UBE2E2: variants seen among roughly 807,000 people sequenced by gnomAD.
The protein encoded by UBE2E2 is ubiquitin-conjugating enzyme E2 E2.
A neutral mutation model predicts 24.7 loss-of-function variants in UBE2E2; 6 were observed. That is an observed-to-expected ratio of 0.24 (90% CI 0.13 to 0.48). The LOEUF is 0.48. Among genes scored for constraint, UBE2E2 ranks in the 20% least tolerant of loss-of-function variants. UBE2E2 has a pLI of 0.99. For synonymous variants in UBE2E2, 104 were observed against 83.6 expected, an observed-to-expected ratio of 1.24 and a Z score of -1.33; for missense variants, 169 against 245.0, an observed-to-expected ratio of 0.69 and a Z score of 2.07.
At chr3:23,458,294 A>G (rs1300188912) in intron 3 of UBE2E2, among the ~76,000 whole-genome samples, 1 of 151,058 alleles carries the variant, frequency 6.6e-6, no homozygotes, top group African/African-American at 2.4e-5. Flanking sequence ...CAGTCACACA[A>G]CATGTATCGA....
In UBE2E2 at chr3:23,223,512, T is replaced by TTA. The variant is rs1359943531; in HGVS notation, c.227+6212_227+6213dup. ...GCCCTTTTGCCTGTTTTAAATTGGA[T>TTA]TATATATATATATTTGCTGTCAAGT... On this transcript the variant is annotated intron_variant, in intron 3 of 5. Coordinates refer to ENST00000396703, the MANE Select transcript of UBE2E2 (RefSeq NM_152653.4). Among the ~76,000 whole-genome samples the TTA allele has an allele frequency of 1.6e-3, 241 of 151,894 alleles. 2 individuals are homozygous for TTA. The highest frequency in any genetic ancestry group is 2.7e-3 in the East Asian group (14 of 5,164).
At chr3:23,577,968 G>A (rs141015830) in intron 5 of UBE2E2, among the ~76,000 whole-genome samples, 8 of 143,830 alleles carry the variant, frequency 5.6e-5, no homozygotes, top group South Asian at 2.2e-4. Context: ...TTAATATGAC[G>A]TACTGAATAT....
intron 3 of UBE2E2, among the ~76,000 whole-genome samples, chr3:23,266,452 G>T (rs1213144540): frequency 4.6e-5 from 7 of 151,974 alleles, no homozygotes; most frequent in Non-Finnish European, 7.4e-5. Context: ...AATTCTTTAA[G>T]AATGTTGAAT....
chr3:23,443,292 C>T (rs895379516), intron 3 of UBE2E2, among the ~76,000 whole-genome samples: 6 of 152,104 alleles, frequency 3.9e-5, no homozygotes, highest in South Asian at 2.1e-4. Context: ...TAAGAAGAGC[C>T]GGAAGCAGAG....
chr3:23,325,471 T>A (rs1046059300), intron 3 of UBE2E2, among the ~76,000 whole-genome samples: 3 of 152,228 alleles, frequency 2.0e-5, no homozygotes, highest in African/African-American at 7.2e-5. Context: ...CTGTTAGGAT[T>A]TGAACACTTG....
chr3:23,572,693 T>C (rs1177924016), intron 5 of UBE2E2, among the ~76,000 whole-genome samples: 1 of 152,204 alleles, frequency 6.6e-6, no homozygotes, highest in Non-Finnish European at 1.5e-5. Flanking sequence ...GCTGCATCCA[T>C]GTTGCTGCAA....
At chr3:23,563,179 T>A (rs1695979078) in intron 5 of UBE2E2, among the ~76,000 whole-genome samples, 1 of 152,236 alleles carries the variant, frequency 6.6e-6, no homozygotes, top group Non-Finnish European at 1.5e-5. Flanking sequence ...CAATTTTAGA[T>A]CTTTCCTGCT....
At chr3:23,204,841 A>G in intron 1 of UBE2E2, 1 of 811,170 alleles carries the variant, frequency 1.2e-6, no homozygotes, top group Non-Finnish European at 1.5e-6. Flanking sequence ...ACAGCAAGAC[A>G]TATATGACAG....
chr3:23,575,773 A>C (rs962097511), intron 5 of UBE2E2, among the ~76,000 whole-genome samples: 1 of 152,218 alleles, frequency 6.6e-6, no homozygotes, highest in Non-Finnish European at 1.5e-5. Context: ...GAAGTACTCA[A>C]ATATGTCCTC....
intron 3 of UBE2E2, among the ~76,000 whole-genome samples, chr3:23,488,740 A>T (rs1191981543): frequency 6.6e-6 from 1 of 152,184 alleles, no homozygotes; most frequent in African/African-American, 2.4e-5. Context: ...TGCAGATAAG[A>T]TCGGTAGATA....
intron 3 of UBE2E2, among the ~76,000 whole-genome samples, chr3:23,291,018 A>G (rs1200921882): frequency 1.3e-5 from 2 of 149,658 alleles, no homozygotes; most frequent in African/African-American, 2.5e-5. Flanking sequence ...GCAGTCAGCT[A>G]TGAACAATGC....
intron 1 of UBE2E2, among the ~76,000 whole-genome samples, chr3:23,208,153 G>C (rs1050725141): frequency 1.3e-5 from 2 of 151,982 alleles, no homozygotes; most frequent in African/African-American, 2.4e-5. Flanking sequence ...CCAGGCTGGT[G>C]CTCCCTGAGC....
At chr3:23,484,039 G>A (rs532967137) in intron 3 of UBE2E2, among the ~76,000 whole-genome samples, 18 of 152,030 alleles carry the variant, frequency 1.2e-4, no homozygotes, top group Non-Finnish European at 2.6e-4. Context: ...TGAATATCAC[G>A]GTTCTCCAGA....
intron 3 of UBE2E2, among the ~76,000 whole-genome samples, chr3:23,382,178 A>ATTTT (rs10645761): frequency 0.048 from 5,260 of 110,660 alleles, 134 homozygotes; most frequent in Admixed American, 0.061. Flanking sequence ...GAATACTTTA[A>ATTTT]TTTTTTTTTT....
At chr3:23,269,685 G>C (rs192011658) in intron 3 of UBE2E2, among the ~76,000 whole-genome samples, 13 of 152,118 alleles carry the variant, frequency 8.5e-5, no homozygotes, top group Non-Finnish European at 1.2e-4. Context: ...AGTTGGAGCC[G>C]GGAGCAGCAG....
At chr3:23,210,987 T>C (rs1480712673) in intron 2 of UBE2E2, among the ~76,000 whole-genome samples, 1 of 152,064 alleles carries the variant, frequency 6.6e-6, no homozygotes, top group Non-Finnish European at 1.5e-5. Context: ...ATTCAGCTGA[T>C]AGTGAAGTTG....
intron 3 of UBE2E2, among the ~76,000 whole-genome samples, chr3:23,307,793 T>C (rs992762779): frequency 6.6e-6 from 1 of 152,194 alleles, no homozygotes; most frequent in Non-Finnish European, 1.5e-5. Flanking sequence ...TATTTAAGAA[T>C]AAGCCTATTT....
At chr3:23,308,811 G>T (rs1006912343) in intron 3 of UBE2E2, among the ~76,000 whole-genome samples, 1 of 152,144 alleles carries the variant, frequency 6.6e-6, no homozygotes, top group Non-Finnish European at 1.5e-5. Context: ...CGGTAGCATG[G>T]CTCTCTCTAA....
chr3:23,412,934 G>A (rs1179113045), intron 3 of UBE2E2, among the ~76,000 whole-genome samples: 10 of 151,108 alleles, frequency 6.6e-5, no homozygotes, highest in Non-Finnish European at 1.5e-4. Flanking sequence ...CCAATTTAAG[G>A]CAAATTTCAA....
Sources: gnomAD v4.1 joint callset for allele counts (sites outside exome capture counted in the v4.1 genomes callset) on GRCh38, gnomAD v4.1.1 for gene constraint, MANE v1.5 for transcripts, NCBI Gene and HGNC (gene_info 2026-07-23, HGNC 2026-07-21) for gene names.